SORCS2: variants seen among roughly 807,000 people sequenced by gnomAD.
SORCS2 encodes the protein VPS10 domain-containing receptor SorCS2.
Under a neutral mutation model 141.6 loss-of-function variants are expected in SORCS2, and 100 were observed. The ratio of observed to expected loss-of-function variants is 0.71; its 90% CI spans 0.60 to 0.83. The LOEUF (loss-of-function observed/expected upper bound fraction) is 0.83, where lower values mean the gene tolerates loss of function less well. Ranked by LOEUF, SORCS2 falls within the 40% of genes least tolerant of loss-of-function variation. The pLI is 0.00. For synonymous variants in SORCS2, 789 were observed against 676.9 expected, an observed-to-expected ratio of 1.17 and a Z score of -2.57; for missense variants, 1,646 against 1,560.2, an observed-to-expected ratio of 1.05 and a Z score of -0.93.
intron 2 of SORCS2, among the ~76,000 whole-genome samples, chr4:7,465,717 G>A (rs575636181): frequency 7.2e-5 from 11 of 152,318 alleles, no homozygotes; most frequent in South Asian, 2.1e-4. Flanking sequence ...AGGCTTCCCC[G>A]CTTCTAATAG....
chr4:7,611,928 G>A (rs769632658), intron 3 of SORCS2, among the ~76,000 whole-genome samples: 41 of 152,252 alleles, frequency 2.7e-4, no homozygotes, highest in Non-Finnish European at 4.7e-4. Context: ...ATGCCGAGAG[G>A]CCAGGGAGGC....
At chr4:7,403,470 A>G (rs976902914) in intron 2 of SORCS2, among the ~76,000 whole-genome samples, 1 of 152,026 alleles carries the variant, frequency 6.6e-6, no homozygotes, top group South Asian at 2.1e-4. Context: ...TCAGTGGGGC[A>G]GGGGGAGTAC....
intron 1 of SORCS2, among the ~76,000 whole-genome samples, chr4:7,394,759 C>T (rs1189621138): frequency 1.3e-5 from 2 of 152,092 alleles, no homozygotes; most frequent in African/African-American, 4.8e-5. Flanking sequence ...ACCCAGCAGT[C>T]TGCAGAAAGG....
At chr4:7,253,936 T>C (rs1050354177) in intron 1 of SORCS2, among the ~76,000 whole-genome samples, 18 of 152,194 alleles carry the variant, frequency 1.2e-4, no homozygotes, top group African/African-American at 4.1e-4. Flanking sequence ...TCAGCATTGC[T>C]CTTCATCAGA....
At chr4:7,322,543 G>T (rs954596469) in intron 1 of SORCS2, among the ~76,000 whole-genome samples, 1 of 152,178 alleles carries the variant, frequency 6.6e-6, no homozygotes, top group Non-Finnish European at 1.5e-5. Context: ...TGCCCAGGGG[G>T]TTCACTGGGT....
intron 1 of SORCS2, among the ~76,000 whole-genome samples, chr4:7,199,255 G>T (rs1727352635): frequency 6.6e-6 from 1 of 152,204 alleles, no homozygotes; most frequent in African/African-American, 2.4e-5. Context: ...GCGGGGTGGG[G>T]GCAGAGAGCC....
chr4:7,727,366 G>A (rs147522241), intron 21 of SORCS2, among the ~76,000 whole-genome samples: 337 of 152,272 alleles, frequency 2.2e-3, no homozygotes, highest in African/African-American at 7.6e-3. Flanking sequence ...GTGCTCACTG[G>A]GGGCTCTTAG....
rs112695922 is a variant in SORCS2 at position 7,706,163 on chromosome 4, T to C, written c.1868+1879T>C. 4.0e-3 allele frequency among the ~76,000 whole-genome samples: 333 copies of C among 84,050 alleles called. 6 individuals are homozygous for C. Among genetic ancestry groups the C allele is most frequent in the Middle Eastern group, 0.016 (2 of 122 alleles). 55.1% of individuals were successfully genotyped at this position (84,050 alleles called of 152,430 possible). A position where few individuals can be genotyped will look rare whatever the true frequency, so the allele number is the denominator to read the frequency against. On this transcript the variant is annotated intron_variant, in intron 14 of 26. Transcript: ENST00000507866. ...TGGACAGAGAAGAGGCTGGGCTCCG[T>C]CTGGGCAGGGATGAGGCTGGGCTCC...
At chr4:7,284,230 A>G (rs1015895140) in intron 1 of SORCS2, among the ~76,000 whole-genome samples, 2 of 152,144 alleles carry the variant, frequency 1.3e-5, no homozygotes, top group South Asian at 2.1e-4. Flanking sequence ...AAGGATGTAC[A>G]ATTTCCCCAT....
intron 1 of SORCS2, among the ~76,000 whole-genome samples, chr4:7,269,433 C>G (rs960887460): frequency 6.6e-6 from 1 of 152,206 alleles, no homozygotes; most frequent in Non-Finnish European, 1.5e-5. Context: ...TATCTGTGAA[C>G]ACGATCTTAT....
chr4:7,257,903 C>T (rs1369913347), intron 1 of SORCS2, among the ~76,000 whole-genome samples: 1 of 152,184 alleles, frequency 6.6e-6, no homozygotes, highest in Non-Finnish European at 1.5e-5. Context: ...GGATGGGTTC[C>T]TGCAACTTTC....
chr4:7,603,848 G>A (rs746020022), intron 3 of SORCS2, among the ~76,000 whole-genome samples: 66 of 152,296 alleles, frequency 4.3e-4, no homozygotes, highest in Non-Finnish European at 8.7e-4. Flanking sequence ...GTCTGGTAAA[G>A]GGAATTCCTA....
intron 1 of SORCS2, among the ~76,000 whole-genome samples, chr4:7,368,766 C>T (rs1432159255): frequency 3.9e-5 from 6 of 152,174 alleles, no homozygotes; most frequent in Non-Finnish European, 1.5e-5. Flanking sequence ...TGTGTCCCCA[C>T]CCAAATCTCA....
At chr4:7,644,606 T>C (rs759312406) in intron 4 of SORCS2, among the ~76,000 whole-genome samples, 2 of 152,126 alleles carry the variant, frequency 1.3e-5, no homozygotes, top group Non-Finnish European at 2.9e-5. Context: ...GCATGTTGAG[T>C]GCCACCAATC....
At chr4:7,474,701 G>A (rs1259722361) in intron 2 of SORCS2, among the ~76,000 whole-genome samples, 1 of 152,204 alleles carries the variant, frequency 6.6e-6, no homozygotes, top group Non-Finnish European at 1.5e-5. Flanking sequence ...CTCGTGGAGC[G>A]AGACTGGGGT....
chr4:7,471,441 G>A (rs1729970766), intron 2 of SORCS2, among the ~76,000 whole-genome samples: 1 of 152,222 alleles, frequency 6.6e-6, no homozygotes, highest in Non-Finnish European at 1.5e-5. Flanking sequence ...TGGCTGTCCA[G>A]GCCCTAATTT....
At chr4:7,491,608 C>A (rs1026322287) in intron 2 of SORCS2, among the ~76,000 whole-genome samples, 4 of 152,258 alleles carry the variant, frequency 2.6e-5, no homozygotes, top group Non-Finnish European at 5.9e-5. Flanking sequence ...GCCAGCAGGT[C>A]CCTTGACCTC....
intron 1 of SORCS2, among the ~76,000 whole-genome samples, chr4:7,282,958 T>C (rs978137690): frequency 6.6e-6 from 1 of 152,238 alleles, no homozygotes. Flanking sequence ...TTCACACTCA[T>C]TAATTCATTC....
intron 1 of SORCS2, among the ~76,000 whole-genome samples, chr4:7,220,693 T>C (rs1728650453): frequency 6.6e-6 from 1 of 152,132 alleles, no homozygotes; most frequent in Non-Finnish European, 1.5e-5. Context: ...TGCTCGTGGC[T>C]CCCATTTCCG....
Sources: gnomAD v4.1 joint callset for allele counts (sites outside exome capture counted in the v4.1 genomes callset) on GRCh38, gnomAD v4.1.1 for gene constraint, MANE v1.5 for transcripts, NCBI Gene and HGNC (gene_info 2026-07-23, HGNC 2026-07-21) for gene names.